Variants in RALGAPA1 observed in about 807,000 individuals in gnomAD.
RALGAPA1 encodes the protein Ral GTPase activating protein catalytic subunit alpha 1.
In RALGAPA1, 52 loss-of-function variants were observed where a neutral mutation model predicts 269.6. The observed-to-expected ratio is 0.19, with a 90% confidence interval of 0.15 to 0.24. RALGAPA1 has a LOEUF of 0.24. RALGAPA1 is among the 10% of genes least tolerant of loss of function. The pLI is 1.00. For missense variants in RALGAPA1, 1,917 were observed against 3,013.9 expected (o/e 0.64, Z 8.52); for synonymous variants, 817 against 1,008.3 (o/e 0.81, Z 3.60).
chr14:35,651,892 T>A lies in RALGAPA1; in HGVS notation c.5608-19A>T. Reference sequence around the variant, plus strand: ...TTAGGATCTGTAAGCAAAAAAAAATTTTTTTAAAAGCTCTATATATGTCAA... The same window carrying A: ...TTAGGATCTGTAAGCAAAAAAAAATATTTTTAAAAGCTCTATATATGTCAA... On this transcript the variant is annotated intron_variant, in intron 30 of 41. Transcript: ENST00000680220. 6.3e-7 allele frequency: 1 copy of A among 1,590,900 alleles called. No homozygotes were observed. The highest frequency in any genetic ancestry group is 8.5e-7 in the Non-Finnish European group (1 of 1,171,446).
chr14:35,581,621 C>T (rs2057954808), intron 37 of RALGAPA1, among the ~76,000 whole-genome samples: 1 of 152,028 alleles, frequency 6.6e-6, no homozygotes, highest in African/African-American at 2.4e-5. Context: ...GCAATAAGCA[C>T]ATGAAAAGAT....
chr14:35,738,730 A>G (rs2071273784), intron 11 of RALGAPA1, 80 bp from the exon 12 acceptor site: 1 of 1,148,810 alleles, frequency 8.7e-7, no homozygotes. Context: ...AGGTAAATGA[A>G]ATTGTTAGGT....
Position 35,686,550 on chromosome 14 carries a change from T to C in RALGAPA1, c.4069A>G (p.Asn1357Asp). The C allele has an allele frequency of 6.2e-7, 1 of 1,600,962 alleles. No homozygotes were observed. Among genetic ancestry groups the C allele is most frequent in the South Asian group, 1.1e-5 (1 of 88,162 alleles). ...TATAAAATAAAACTTACCGAGGCAT[T>C]ACCACTTCGAAGTCGTTCTGCTATA... The part of the protein sequence containing the change: ...EFIAERLRSG[N>D]ASTMTRRGSS... The change falls in exon 19 of 42, where the codon AAT becomes GAT. Residue 1357 changes from asparagine to aspartate, a missense_variant. This residue lies in a region of RALGAPA1 where 615 missense variants were observed against 790.0 expected (regional missense o/e 0.78). Transcript: ENST00000680220.
chr14:35,569,140 A>G (rs892970085), intron 39 of RALGAPA1, among the ~76,000 whole-genome samples: 31 of 152,218 alleles, frequency 2.0e-4, no homozygotes, highest in African/African-American at 7.2e-4. Context: ...ATTACAGAGT[A>G]ATCAGATAGC....
At chr14:35,645,510 C>A (rs1230638639) in intron 31 of RALGAPA1, among the ~76,000 whole-genome samples, 1 of 152,022 alleles carries the variant, frequency 6.6e-6, no homozygotes, top group Admixed American at 6.6e-5. Context: ...ACAGGCAGAT[C>A]ACGAGGTCAG....
At chr14:35,731,514 A>C (rs535152107) in intron 12 of RALGAPA1, among the ~76,000 whole-genome samples, 127 of 152,298 alleles carry the variant, frequency 8.3e-4, no homozygotes, top group African/African-American at 3.0e-3. Flanking sequence ...ACAAATATTC[A>C]AGGAATTAAA....
At chr14:35,613,318 G>A (rs1052946605) in intron 35 of RALGAPA1, among the ~76,000 whole-genome samples, 3 of 151,998 alleles carry the variant, frequency 2.0e-5, no homozygotes, top group Non-Finnish European at 4.4e-5. Context: ...CTGACCTCAT[G>A]TGATCCACCT....
In RALGAPA1 at chr14:35,635,592, C is replaced by A; in HGVS notation, c.5683G>T (p.Val1895Leu). 6.3e-7 allele frequency: 1 copy of A among 1,578,956 alleles called. No homozygotes were observed. Among genetic ancestry groups the A allele is most frequent in the Non-Finnish European group, 8.6e-7 (1 of 1,164,358 alleles). Reference sequence around the variant, plus strand: ...TCCAGAAGGCAGAGAAGTAAAGATACTACCAACTGTAACAACAATAGAATC... The same window carrying A: ...TCCAGAAGGCAGAGAAGTAAAGATAATACCAACTGTAACAACAATAGAATC... The part of the protein sequence containing the change: ...SSYEMDKRLV[V>L]SLLLCLLDWI... The change falls in exon 32 of 42, where the codon GTA (valine) becomes TTA (leucine). Residue 1895 changes from valine (V) to leucine (L), a missense_variant. Transcript: ENST00000680220.
chr14:35,610,286 CTTT>C (rs555907360), intron 35 of RALGAPA1, among the ~76,000 whole-genome samples: 1 of 141,526 alleles, frequency 7.1e-6, no homozygotes, highest in Non-Finnish European at 1.6e-5. Context: ...CAATTTTTTT[CTTT>C]TTTTTTTTTT....
chr14:35,617,126 T>TAGG (rs1307402732), intron 35 of RALGAPA1, among the ~76,000 whole-genome samples: 14 of 152,254 alleles, frequency 9.2e-5, no homozygotes, highest in South Asian at 8.3e-4. Context: ...AGGTGAAGCA[T>TAGG]AGGAGTAGAT....
At chr14:35,754,112 C>T (rs1327534601) in intron 7 of RALGAPA1, among the ~76,000 whole-genome samples, 1 of 152,102 alleles carries the variant, frequency 6.6e-6, no homozygotes, top group Non-Finnish European at 1.5e-5. Context: ...AAATGGACCA[C>T]AGACCTTAAT....
intron 12 of RALGAPA1, among the ~76,000 whole-genome samples, chr14:35,738,089 CA>C (rs58213941): frequency 0.048 from 5,988 of 123,546 alleles, 395 homozygotes; most frequent in African/African-American, 0.16. Flanking sequence ...AACTCCATCT[CA>C]AAAAAAAAAA....
intron 11 of RALGAPA1, among the ~76,000 whole-genome samples, chr14:35,742,159 T>A (rs1454716985): frequency 6.6e-6 from 1 of 152,214 alleles, no homozygotes; most frequent in Non-Finnish European, 1.5e-5. Flanking sequence ...ACAACCTCAA[T>A]ACTAATTTTT....
intron 33 of RALGAPA1, among the ~76,000 whole-genome samples, chr14:35,628,583 T>TA (rs1188149308): frequency 9.2e-5 from 14 of 152,220 alleles, no homozygotes; most frequent in African/African-American, 3.1e-4. Context: ...GTAGATGCCT[T>TA]AAATGTCATT....
At chr14:35,646,334 C>A (rs2062435014) in intron 31 of RALGAPA1, among the ~76,000 whole-genome samples, 1 of 152,168 alleles carries the variant, frequency 6.6e-6, no homozygotes, top group African/African-American at 2.4e-5. Context: ...GAACACCTGG[C>A]AGACACAACC....
chr14:35,704,192 A>G (rs946134663), intron 16 of RALGAPA1, among the ~76,000 whole-genome samples: 3 of 152,188 alleles, frequency 2.0e-5, no homozygotes, highest in East Asian at 3.8e-4. Flanking sequence ...AAAACAAAAC[A>G]GTGATATATA....
chr14:35,710,255 G>A (rs779989159), intron 16 of RALGAPA1, among the ~76,000 whole-genome samples: 8 of 152,056 alleles, frequency 5.3e-5, no homozygotes, highest in Non-Finnish European at 1.0e-4. Context: ...TCTTCTTGGA[G>A]AATTAATCAT....
intron 39 of RALGAPA1, among the ~76,000 whole-genome samples, chr14:35,568,726 T>C (rs1033230302): frequency 2.6e-5 from 4 of 152,192 alleles, no homozygotes; most frequent in African/African-American, 9.7e-5. Context: ...AGGGTCTTCT[T>C]GAATAGTTCC....
intron 11 of RALGAPA1, among the ~76,000 whole-genome samples, chr14:35,740,403 G>C (rs376039700): frequency 2.0e-4 from 30 of 152,332 alleles, no homozygotes; most frequent in Middle Eastern, 3.4e-3. Flanking sequence ...AAATAGGACA[G>C]AGAATGCTAA....
Sources: allele counts gnomAD v4.1 joint callset (sites outside exome capture counted in the v4.1 genomes callset), GRCh38; gene constraint gnomAD v4.1.1; regional missense constraint gnomAD v4.1.1; transcripts MANE v1.5; gene names NCBI Gene and HGNC (gene_info 2026-07-23, HGNC 2026-07-21).